REDIC1: variants seen among roughly 807,000 people sequenced by gnomAD.
REDIC1 encodes regulator of DNA class I crossover intermediates 1.
the REDIC1 span, among the ~76,000 whole-genome samples, chr12:39,711,567 A>ACACATGCATGTG: frequency 0.021 from 285 of 13,572 alleles, 2 homozygotes; most frequent in Middle Eastern, 0.056. Flanking sequence ...ATGCATGTGT[A>ACACATGCATGTG]TATGTGCATA....
the REDIC1 span, among the ~76,000 whole-genome samples, chr12:39,866,452 C>T: frequency 6.6e-6 from 1 of 152,226 alleles, no homozygotes; most frequent in Non-Finnish European, 1.5e-5. Context: ...TACGGGCTTA[C>T]AGTGAATTTT....
At chr12:39,752,561 A>G in the REDIC1 span, among the ~76,000 whole-genome samples, 1 of 152,182 alleles carries the variant, frequency 6.6e-6, no homozygotes, top group Admixed American at 6.5e-5. Flanking sequence ...TGATACCATG[A>G]AGAAAATGAA....
chr12:39,833,342 G>A, the REDIC1 span, among the ~76,000 whole-genome samples: 17 of 152,026 alleles, frequency 1.1e-4, no homozygotes, highest in East Asian at 1.7e-3. Flanking sequence ...GAGATATTTC[G>A]CCCTTTTTTT....
At chr12:39,715,008 G>C in the REDIC1 span, among the ~76,000 whole-genome samples, 1 of 152,050 alleles carries the variant, frequency 6.6e-6, no homozygotes, top group South Asian at 2.1e-4. Flanking sequence ...CTCCCACTTT[G>C]TGGGTTGTCT....
chr12:39,838,861 T>C, the REDIC1 span, among the ~76,000 whole-genome samples: 1 of 152,090 alleles, frequency 6.6e-6, no homozygotes, highest in Non-Finnish European at 1.5e-5. Flanking sequence ...TTTTTAAGTA[T>C]GTCTCATTAA....
chr12:39,851,832 A>G, the REDIC1 span, among the ~76,000 whole-genome samples: 2 of 152,200 alleles, frequency 1.3e-5, no homozygotes, highest in Non-Finnish European at 2.9e-5. Context: ...TTTATTTTCC[A>G]TCTATTTCCC....
chr12:39,826,749 A>G, the REDIC1 span, among the ~76,000 whole-genome samples: 1 of 151,138 alleles, frequency 6.6e-6, no homozygotes, highest in Non-Finnish European at 1.5e-5. Context: ...ACACATATAT[A>G]TGTCATATAA....
the REDIC1 span, among the ~76,000 whole-genome samples, chr12:39,817,193 G>T: frequency 6.6e-6 from 1 of 152,204 alleles, no homozygotes; most frequent in Non-Finnish European, 1.5e-5. Context: ...TCTCACAGGA[G>T]TACTCAACAA....
chr12:39,875,274 TC>T, the REDIC1 span, among the ~76,000 whole-genome samples: 1 of 152,212 alleles, frequency 6.6e-6, no homozygotes, highest in Non-Finnish European at 1.5e-5. Flanking sequence ...TTTAGAGGTC[TC>T]CTAATTCCCT....
chr12:39,659,833 T>G, the REDIC1 span, among the ~76,000 whole-genome samples: 2 of 152,154 alleles, frequency 1.3e-5, no homozygotes, highest in Non-Finnish European at 2.9e-5. Context: ...TGAATTTTTA[T>G]TTTTATGGCT....
chr12:39,819,608 T>A, the REDIC1 span: 1 of 151,958 alleles, frequency 6.6e-6, no homozygotes, highest in Non-Finnish European at 1.5e-5. Context: ...ACACTGCAAA[T>A]ACTTTTTTTT....
the REDIC1 span, among the ~76,000 whole-genome samples, chr12:39,689,899 G>A: frequency 6.6e-6 from 1 of 152,246 alleles, no homozygotes; most frequent in Non-Finnish European, 1.5e-5. Context: ...TAGAAAGCTG[G>A]CAGCTTGAAT....
the REDIC1 span, among the ~76,000 whole-genome samples, chr12:39,685,254 A>G: frequency 6.6e-6 from 1 of 152,212 alleles, no homozygotes; most frequent in African/African-American, 2.4e-5. Context: ...GTAATTTATA[A>G]AGAAAAGAGG....
chr12:39,752,385 G>A, the REDIC1 span, among the ~76,000 whole-genome samples: 29 of 152,204 alleles, frequency 1.9e-4, no homozygotes, highest in African/African-American at 3.6e-4. Context: ...GATCTGGGGC[G>A]GAACAGTTTC....
chr12:39,852,047 G>A, the REDIC1 span, among the ~76,000 whole-genome samples: 1 of 152,286 alleles, frequency 6.6e-6, no homozygotes, highest in Non-Finnish European at 1.5e-5. Context: ...GGGATTTGTG[G>A]TTTAGAAAGG....
At chr12:39,764,614 TG>T in the REDIC1 span, 1 of 1,586,082 alleles carries the variant, frequency 6.3e-7, no homozygotes, top group Non-Finnish European at 8.5e-7. Context: ...GTCCCATTCC[TG>T]AGAAATAAAA....
At chr12:39,633,028 TA>T in the REDIC1 span, among the ~76,000 whole-genome samples, 1 of 152,086 alleles carries the variant, frequency 6.6e-6, no homozygotes, top group Non-Finnish European at 1.5e-5. Context: ...TCTTTAGTAA[TA>T]AATTAACCTT....
chr12:39,843,116 G>T, the REDIC1 span, among the ~76,000 whole-genome samples: 1 of 152,038 alleles, frequency 6.6e-6, no homozygotes, highest in African/African-American at 2.4e-5. Flanking sequence ...CGTGCTTTCA[G>T]TTCTCTTGGG....
chr12:39,901,907 G>T, the REDIC1 span, among the ~76,000 whole-genome samples: 1 of 151,802 alleles, frequency 6.6e-6, no homozygotes, highest in Non-Finnish European at 1.5e-5. Flanking sequence ...GTTTATTGCG[G>T]CATTATTCCC....
Sources: gnomAD v4.1 joint callset for allele counts (sites outside exome capture counted in the v4.1 genomes callset) on GRCh38, gnomAD v4.1.1 for gene constraint, MANE v1.5 for transcripts, NCBI Gene and HGNC (gene_info 2026-07-23, HGNC 2026-07-21) for gene names.